Variants in EYS observed in about 807,000 individuals in gnomAD.
EYS encodes EGF-like photoreceptor maintenance factor.
In EYS, 250 loss-of-function variants were observed where a neutral mutation model predicts 282.1. That is an observed-to-expected ratio of 0.89 (90% CI 0.80 to 0.98). EYS has a LOEUF of 0.98. EYS is among the 50% of genes least tolerant of loss of function. The pLI is 0.00. For synonymous variants in EYS, 1,355 were observed against 1,282.9 expected, an observed-to-expected ratio of 1.06 and a Z score of -1.20; for missense variants, 4,016 against 3,709.0, an observed-to-expected ratio of 1.08 and a Z score of -2.15.
intron 2 of EYS, among the ~76,000 whole-genome samples, chr6:65,567,550 C>A (rs1243948464): frequency 6.6e-6 from 1 of 151,804 alleles, no homozygotes; most frequent in Non-Finnish European, 1.5e-5. Flanking sequence ...TTCTAATATT[C>A]CACTGAAGGA....
chr6:65,266,694 T>G (rs1463097253), intron 12 of EYS, among the ~76,000 whole-genome samples: 1 of 151,668 alleles, frequency 6.6e-6, no homozygotes, highest in African/African-American at 2.4e-5. Flanking sequence ...TCTGCCAGGT[T>G]TTTTACAATA....
intron 28 of EYS, among the ~76,000 whole-genome samples, chr6:64,422,914 C>T (rs978430607): frequency 2.0e-5 from 3 of 152,072 alleles, no homozygotes; most frequent in African/African-American, 7.2e-5. Context: ...CATTTTATAA[C>T]TGTCTTTTAA....
chr6:64,223,220 G>T (rs1278192309), intron 31 of EYS, among the ~76,000 whole-genome samples: 2 of 152,004 alleles, frequency 1.3e-5, no homozygotes, highest in South Asian at 2.1e-4. Context: ...TCACTTAAAA[G>T]TGATTTCTCT....
chr6:64,802,238 G>A (rs1361423605), intron 22 of EYS, among the ~76,000 whole-genome samples: 2 of 151,340 alleles, frequency 1.3e-5, no homozygotes, highest in African/African-American at 2.4e-5. Context: ...TTTCACCTCT[G>A]TGGCTAACAC....
chr6:64,539,254 T>C (rs1043680629), intron 26 of EYS, among the ~76,000 whole-genome samples: 3 of 152,136 alleles, frequency 2.0e-5, no homozygotes, highest in Non-Finnish European at 4.4e-5. Context: ...GTTATATGTA[T>C]TTTACCACAG....
chr6:64,572,273 T>A (rs1004318298), intron 26 of EYS, among the ~76,000 whole-genome samples: 25 of 152,192 alleles, frequency 1.6e-4, no homozygotes, highest in African/African-American at 5.3e-4. Flanking sequence ...ATGGAACGTA[T>A]CTCAAAATAA....
rs1000230250 is a variant in EYS at position 64,228,585 on chromosome 6, CATT to C, written c.6424+2004_6424+2006del. Among the ~76,000 whole-genome samples, 40 of 152,194 alleles carry C rather than the reference CATT, an allele frequency of 2.6e-4. 1 individual carries two copies. Among genetic ancestry groups the C allele is most frequent in the Middle Eastern group, 3.4e-3 (1 of 292 alleles). ...ATAGATTACTTAATGGTTAGCAAAA[CATT>C]ATCCAATTTATTAGTTTTTAAAATA... is the stretch of plus-strand genomic sequence containing the variant. On this transcript the variant is annotated intron_variant, in intron 31 of 42. Transcript: ENST00000503581.
chr6:65,291,665 C>T (rs1381614892), intron 12 of EYS, among the ~76,000 whole-genome samples: 1 of 151,552 alleles, frequency 6.6e-6, no homozygotes, highest in Non-Finnish European at 1.5e-5. Context: ...AGGAGGTCAT[C>T]TCTGGGAATT....
At chr6:65,111,912 T>C (rs111895371) in intron 12 of EYS, among the ~76,000 whole-genome samples, 4,525 of 152,266 alleles carry the variant, frequency 0.03, 90 homozygotes, top group Middle Eastern at 0.048. Context: ...ACAATTTTCA[T>C]CTAATTTCAT....
At chr6:65,459,819 T>C (rs1764752093) in intron 5 of EYS, among the ~76,000 whole-genome samples, 1 of 150,832 alleles carries the variant, frequency 6.6e-6, no homozygotes, top group South Asian at 2.1e-4. Context: ...AGTCATAGTA[T>C]GATAAATTGT....
chr6:63,784,038 A>T (rs1015544070), intron 39 of EYS, among the ~76,000 whole-genome samples: 8 of 152,200 alleles, frequency 5.3e-5, no homozygotes, highest in African/African-American at 9.7e-5. Flanking sequence ...GAGCTGGGAC[A>T]TTGGTCTTTT....
chr6:65,340,544 T>C (rs1476217747), intron 10 of EYS, among the ~76,000 whole-genome samples: 1 of 151,124 alleles, frequency 6.6e-6, no homozygotes, highest in Non-Finnish European at 1.5e-5. Flanking sequence ...ATAAGTTATT[T>C]ACAAAAACTA....
chr6:63,972,362 T>C (rs948255541), intron 35 of EYS, among the ~76,000 whole-genome samples: 1 of 152,128 alleles, frequency 6.6e-6, no homozygotes, highest in Non-Finnish European at 1.5e-5. Flanking sequence ...ACACAAATGA[T>C]GAAAGTGAGG....
At chr6:63,751,604 G>T (rs1769341903) in intron 41 of EYS, among the ~76,000 whole-genome samples, 1 of 152,066 alleles carries the variant, frequency 6.6e-6, no homozygotes, top group African/African-American at 2.4e-5. Context: ...TAAGCAGTCT[G>T]ACAAATTTTA....
At chr6:64,608,128 C>T (rs1766992779) in intron 24 of EYS, among the ~76,000 whole-genome samples, 1 of 152,086 alleles carries the variant, frequency 6.6e-6, no homozygotes, top group Non-Finnish European at 1.5e-5. Context: ...ACAGACTGTT[C>T]CACAAAATTC....
chr6:64,131,287 G>A (rs1391194989), intron 31 of EYS, among the ~76,000 whole-genome samples: 1 of 152,200 alleles, frequency 6.6e-6, no homozygotes, highest in Non-Finnish European at 1.5e-5. Context: ...TTTACTATGT[G>A]CACAGTTGTA....
At chr6:64,220,853 T>G (rs1337820117) in intron 31 of EYS, among the ~76,000 whole-genome samples, 1 of 152,160 alleles carries the variant, frequency 6.6e-6, no homozygotes, top group Non-Finnish European at 1.5e-5. Context: ...AATTCCAGAA[T>G]TTACTGGCTG....
chr6:65,109,336 TA>T (rs1400832863), intron 12 of EYS, among the ~76,000 whole-genome samples: 3 of 152,114 alleles, frequency 2.0e-5, no homozygotes, highest in Non-Finnish European at 4.4e-5. Flanking sequence ...TTATAAAAGT[TA>T]AATTTTAGAG....
chr6:65,266,590 G>A (rs1443194864), intron 12 of EYS, among the ~76,000 whole-genome samples: 12 of 151,798 alleles, frequency 7.9e-5, no homozygotes, highest in Admixed American at 6.6e-4. Context: ...CTTTTGATGT[G>A]CTGCAGGATT....
Sources: gnomAD v4.1 joint callset for allele counts (sites outside exome capture counted in the v4.1 genomes callset) on GRCh38, gnomAD v4.1.1 for gene constraint, MANE v1.5 for transcripts, NCBI Gene and HGNC (gene_info 2026-07-23, HGNC 2026-07-21) for gene names.